DCHS2: variants seen among roughly 807,000 people sequenced by gnomAD.
DCHS2 encodes dachsous cadherin-related 2, also known as protocadherin-23.
Under a neutral mutation model 182.4 loss-of-function variants are expected in DCHS2, and 142 were observed. The observed-to-expected ratio is 0.78, with a 90% CI of 0.68 to 0.89. The LOEUF is 0.89. Ranked by LOEUF, DCHS2 falls within the 40% of genes least tolerant of loss-of-function variation. The pLI is 0.00. For synonymous variants in DCHS2, 1,740 were observed against 1,663.3 expected (o/e 1.05, Z -1.12); for missense variants, 4,319 against 4,198.6 (o/e 1.03, Z -0.79).
chr4:154,236,616 G>A lies in DCHS2; in HGVS notation c.8036C>T (p.Pro2679Leu). 3 of 1,614,008 alleles carry A rather than the reference G, an allele frequency of 1.9e-6. No individual in the cohort carries two copies. Among genetic ancestry groups the A allele is most frequent in the Non-Finnish European group, 2.5e-6 (3 of 1,179,944 alleles). The change falls in exon 20 of 20, where the codon CCT (proline) becomes CTT (leucine). Residue 2679 changes from proline (P) to leucine (L), a missense_variant. Transcript: ENST00000357232. Reference protein sequence around the residue: ...SYHTHVKESTPLGSHITVVSA... With the variant: ...SYHTHVKESTLLGSHITVVSA... ...GACCACAGTGATGTGACTCCCTAGA[G>A]GGGTGCTTTCCTTGACATGGGTGTG...
intron 10 of DCHS2, among the ~76,000 whole-genome samples, chr4:154,306,055 CA>C (rs1398825563): frequency 3.9e-5 from 6 of 151,920 alleles, no homozygotes; most frequent in African/African-American, 7.3e-5. Context: ...TTGGCCTTAA[CA>C]AAAAATCTTC....
chr4:154,374,973 G>A (rs1211416195), intron 2 of DCHS2, among the ~76,000 whole-genome samples: 1 of 152,034 alleles, frequency 6.6e-6, no homozygotes, highest in African/African-American at 2.4e-5. Context: ...AATGTAAATG[G>A]TCAAGAATAG....
intron 1 of DCHS2, among the ~76,000 whole-genome samples, chr4:154,458,252 A>T (rs116241933): frequency 1.2e-4 from 18 of 152,326 alleles, no homozygotes; most frequent in African/African-American, 1.7e-4. Flanking sequence ...AATTCTAAAT[A>T]AAATTCTATA....
intron 3 of DCHS2, among the ~76,000 whole-genome samples, chr4:154,337,722 C>A (rs1578981913): frequency 6.6e-6 from 1 of 150,768 alleles, no homozygotes. Flanking sequence ...GTAACAATTT[C>A]TAGCCATATT....
intron 3 of DCHS2, among the ~76,000 whole-genome samples, chr4:154,356,459 G>T (rs1469330545): frequency 6.6e-6 from 1 of 152,156 alleles, no homozygotes; most frequent in Non-Finnish European, 1.5e-5. Flanking sequence ...TATTTCTAAA[G>T]TCTACAGTAG....
At chr4:154,238,137 C>G (rs1731623284) in intron 19 of DCHS2, among the ~76,000 whole-genome samples, 1 of 101,464 alleles carries the variant, frequency 9.9e-6, no homozygotes, top group Non-Finnish European at 1.8e-5. Flanking sequence ...GAAAGAGAGA[C>G]AGACAGAGAG....
intron 3 of DCHS2, among the ~76,000 whole-genome samples, chr4:154,351,232 T>C (rs1200551468): frequency 6.6e-6 from 1 of 152,174 alleles, no homozygotes; most frequent in Non-Finnish European, 1.5e-5. Context: ...TACCAAAAGA[T>C]GGTCCTTTTG....
chr4:154,334,751 C>T lies in DCHS2; in HGVS notation c.2713+117G>A, dbSNP rs529394787. 8 of 780,072 alleles carry T rather than the reference C, an allele frequency of 1.0e-5. No individual in the cohort carries two copies. The East Asian group carries it at 1.7e-4, about 17-fold the overall frequency. 48.3% of individuals were successfully genotyped at this position (780,072 alleles called of 1,614,324 possible). ...AGCAAGCCACAGTTTGTGTTATCTC[C>T]CTTGTTTTGACTTGCGTGGAAAGAA... On this transcript the variant is annotated intron_variant, in intron 4 of 19. Transcript: ENST00000357232.
At chr4:154,384,459 C>T in intron 1 of DCHS2, 1 of 1,599,438 alleles carries the variant, frequency 6.3e-7, no homozygotes, top group Non-Finnish European at 8.5e-7. Flanking sequence ...TCTTTTCAAT[C>T]CACACTGACT....
chr4:154,435,837 G>T (rs1251052097), intron 1 of DCHS2, among the ~76,000 whole-genome samples: 2 of 152,154 alleles, frequency 1.3e-5, no homozygotes, highest in African/African-American at 2.4e-5. Context: ...TTATCTTGTT[G>T]TTAGTGCCAG....
chr4:154,242,776 G>A lies in DCHS2; in HGVS notation c.6942-4C>T, dbSNP rs1578845830. On this transcript the variant is annotated splice_polypyrimidine_tract_variant and splice_region_variant and intron_variant, in intron 16 of 19. Transcript: ENST00000357232. ...ATCTGTGGCTTGGACAATCAAGCTG[G>A]TTTGGAAAAAGAATCAAAGAATGTG... 1 of 1,596,160 alleles carries A rather than the reference G, an allele frequency of 6.3e-7. No individual in the cohort carries two copies.
chr4:154,323,412 C>T, intron 7 of DCHS2: 1 of 1,521,452 alleles, frequency 6.6e-7, no homozygotes, highest in Non-Finnish European at 8.8e-7. Context: ...TCACTGCAGC[C>T]TGGAGTTCAG....
Position 154,235,500 on chromosome 4 carries a change from G to A in DCHS2, c.9152C>T (p.Ala3051Val). 1 of 1,614,024 alleles carries A rather than the reference G, an allele frequency of 6.2e-7. No homozygotes were observed. Among genetic ancestry groups the A allele is most frequent in the Non-Finnish European group, 8.5e-7 (1 of 1,179,972 alleles). Residue 3051 changes from alanine to valine, a missense_variant, in exon 20 of 20, where the codon GCC becomes GTC. By Grantham distance (64) the Ala-to-Val change is moderately conservative. Transcript: ENST00000357232. ...ACTGCAGTCGTCAGTTTTCTGGAAG[G>A]CTTTGAGCACACTGGCATCCCGGGT... ...RVTRDASVLKAFQKTDDCSNE... is the reference protein window; with the variant it reads ...RVTRDASVLKVFQKTDDCSNE...
At chr4:154,482,490 A>T (rs1735959616) in intron 1 of DCHS2, among the ~76,000 whole-genome samples, 1 of 152,210 alleles carries the variant, frequency 6.6e-6, no homozygotes. Flanking sequence ...TTTGAGTAGG[A>T]AAGACTTGGG....
Position 154,240,831 on chromosome 4 carries a change from A to T in DCHS2, c.7073-8T>A. 6.2e-7 allele frequency: 1 copy of T among 1,612,574 alleles called. No homozygotes were observed. Among genetic ancestry groups the T allele is most frequent in the Non-Finnish European group, 8.5e-7 (1 of 1,179,256 alleles). ...TTACACCAGGCAAAGAATCTGAAAT[A>T]GTCATGACCAGTGTCAGTCTCCATT... On this transcript the variant is annotated splice_region_variant and splice_polypyrimidine_tract_variant and intron_variant, in intron 17 of 19. Transcript: ENST00000357232.
intron 1 of DCHS2, among the ~76,000 whole-genome samples, chr4:154,444,900 C>T (rs1488424394): frequency 6.6e-6 from 1 of 152,176 alleles, no homozygotes; most frequent in Non-Finnish European, 1.5e-5. Context: ...GCAAACCCAG[C>T]CAGCAGGCTA....
chr4:154,485,699 T>C (rs1189540234), intron 1 of DCHS2, among the ~76,000 whole-genome samples: 1 of 152,236 alleles, frequency 6.6e-6, no homozygotes, highest in Non-Finnish European at 1.5e-5. Flanking sequence ...GTTGTTTGGA[T>C]AAATAAATGA....
chr4:154,427,228 A>G (rs1733367859), intron 1 of DCHS2, among the ~76,000 whole-genome samples: 4 of 152,312 alleles, frequency 2.6e-5, no homozygotes, highest in Admixed American at 2.0e-4. Context: ...GCCTCCTTAC[A>G]TATTTTAAGT....
intron 1 of DCHS2, among the ~76,000 whole-genome samples, chr4:154,412,275 G>A (rs1344663385): frequency 2.0e-5 from 3 of 152,122 alleles, no homozygotes; most frequent in Non-Finnish European, 4.4e-5. Flanking sequence ...TGAGCGCAGA[G>A]CAAAATCTTC....
Sources: gnomAD v4.1 joint callset for allele counts (sites outside exome capture counted in the v4.1 genomes callset) on GRCh38, gnomAD v4.1.1 for gene constraint, MANE v1.5 for transcripts, NCBI Gene and HGNC (gene_info 2026-07-23, HGNC 2026-07-21) for gene names.